C1orf216: variants seen among roughly 807,000 people sequenced by gnomAD.
C1orf216 encodes UPF0500 protein C1orf216.
Under a neutral mutation model 16.4 loss-of-function variants are expected in C1orf216, and 18 were observed. That is an observed-to-expected ratio of 1.10 (90% CI 0.76 to 1.63). The LOEUF is 1.63. Ranked by LOEUF, C1orf216 falls within the 40% of genes most tolerant of loss-of-function variation. The pLI is 0.00. For synonymous variants in C1orf216, 115 were observed against 116.9 expected (o/e 0.98, Z 0.11); for missense variants, 271 against 297.6 (o/e 0.91, Z 0.66).
chr1:35,716,257 A>C lies in C1orf216; in HGVS notation c.65T>G (p.Leu22Ter). ...GTCTGGTTGGAGCTCGGGCTGACATAATCCAGGAGGTGGGTCCCCCAGGAA... is the reference window on the plus strand; with the variant it reads ...GTCTGGTTGGAGCTCGGGCTGACATCATCCAGGAGGTGGGTCCCCCAGGAA... ...GQFLGDPPPG[L>*]CQPELQPDSN... The change falls in exon 2 of 2, where the codon TTA (leucine) becomes TGA (stop). Residue 22 changes from leucine (L) to a stop codon, truncating the protein, a stop_gained. Coordinates refer to ENST00000270815, the MANE Select transcript of C1orf216 (RefSeq NM_152374.2). LOFTEE classifies it high-confidence loss of function. 6.2e-7 allele frequency: 1 copy of C among 1,614,230 alleles called. No homozygotes were observed.
In C1orf216 at chr1:35,715,997, C is replaced by T. The variant is rs1340509667; in HGVS notation, c.325G>A (p.Glu109Lys). 1 of 1,614,120 alleles carries T rather than the reference C, an allele frequency of 6.2e-7. No individual in the cohort carries two copies. The highest frequency in any genetic ancestry group is 8.5e-7 in the Non-Finnish European group (1 of 1,180,036). ...GAACTGCTGGCATAGCCGTTGTCCT[C>T]CAGAGGGGAGCAGACTGTGCCAGCA... ...GGAGTVCSPL[E>K]DNGYASSSLS... The change falls in exon 2 of 2, where the codon GAG becomes AAG. Residue 109 changes from glutamate to lysine, a missense_variant. By Grantham distance (56) the Glu-to-Lys change is moderately conservative. This residue lies in a region of C1orf216 where 220 missense variants were observed against 227.8 expected (regional missense o/e 0.97). Transcript: ENST00000270815. This position sits in a 1 kb window ranked among gnomAD's most constrained non-coding sequence, Gnocchi z 4.3.
chr1:35,715,866 C>T lies in C1orf216; in HGVS notation c.456G>A (p.Gln152=), dbSNP rs765901777. ...PLLPSVAQAV[Q]HLQVQERYKE... is the part of the protein sequence containing the mutation. Reference sequence around the variant, plus strand: ...TGTAGCGCTCCTGGACTTGTAAGTGCTGCACAGCCTGGGCCACTGAGGGCA... The same window carrying T: ...TGTAGCGCTCCTGGACTTGTAAGTGTTGCACAGCCTGGGCCACTGAGGGCA... The change falls in exon 2 of 2, where the codon CAG becomes CAA. Residue 152 remains glutamine, a synonymous_variant. Transcript: ENST00000270815. This position sits in a 1 kb window ranked among gnomAD's most constrained non-coding sequence, Gnocchi z 4.3. 1 of 1,614,258 alleles carries T rather than the reference C, an allele frequency of 6.2e-7. No individual in the cohort carries two copies. Among genetic ancestry groups the T allele is most frequent in the Non-Finnish European group, 8.5e-7 (1 of 1,180,052 alleles).
chr1:35,715,795 C>A lies in C1orf216; in HGVS notation c.527G>T (p.Arg176Leu), dbSNP rs749886240. ...EKHHVHLVMY[R>L]RLALLQWIRG... is the part of the protein sequence containing the mutation. ...GATCCACTGGAGCAGTGCCAGGCGACGGTACATCACCAAGTGCACGTGGTG... is the reference window on the plus strand; with the variant it reads ...GATCCACTGGAGCAGTGCCAGGCGAAGGTACATCACCAAGTGCACGTGGTG... Residue 176 changes from arginine (R) to leucine (L), a missense_variant, in exon 2 of 2, where the codon CGT (arginine) becomes CTT (leucine). Physicochemically the swap from Arg to Leu is moderately radical, Grantham distance 102 (BLOSUM62 -2). Transcript: ENST00000270815. This position sits in a 1 kb window ranked among gnomAD's most constrained non-coding sequence, Gnocchi z 4.3. 14 of 1,614,048 alleles carry A rather than the reference C, an allele frequency of 8.7e-6. No homozygotes were observed. Among genetic ancestry groups the A allele is most frequent in the Non-Finnish European group, 1.1e-5 (13 of 1,180,044 alleles).
chr1:35,715,776 C>G lies in C1orf216; in HGVS notation c.546G>C (p.Gln182His). 6.2e-7 allele frequency: 1 copy of G among 1,614,218 alleles called. No individual in the cohort carries two copies. The highest frequency in any genetic ancestry group is 1.1e-5 in the South Asian group (1 of 91,086). ...LVMYRRLALL[Q>H]WIRGLQHQLI... is the part of the protein sequence containing the mutation. ...ACTGATGCTGCAGGCCCCGGATCCA[C>G]TGGAGCAGTGCCAGGCGACGGTACA... is the stretch of plus-strand genomic sequence containing the variant. The change falls in exon 2 of 2, where the codon CAG (glutamine) becomes CAC (histidine). Residue 182 changes from glutamine to histidine, a missense_variant. Gln to His is a conservative substitution (Grantham distance 24). This residue lies in a region of C1orf216 where 220 missense variants were observed against 227.8 expected (regional missense o/e 0.97). Coordinates refer to ENST00000270815, the MANE Select transcript of C1orf216 (RefSeq NM_152374.2). The surrounding 1 kb of genome is among the most constrained non-coding windows in gnomAD (Gnocchi z 4.3).
intron 1 of C1orf216, among the ~76,000 whole-genome samples, chr1:35,718,325 G>A (rs916304180): frequency 6.6e-6 from 1 of 152,156 alleles, no homozygotes; most frequent in Non-Finnish European, 1.5e-5. Flanking sequence ...AAGTCCTGGG[G>A]AGAAGGGTGT....
intron 1 of C1orf216, among the ~76,000 whole-genome samples, chr1:35,718,385 G>A (rs1356618833): frequency 1.3e-5 from 2 of 152,138 alleles, no homozygotes; most frequent in Admixed American, 1.3e-4. Context: ...GTGGGAAGGT[G>A]CCTAGAGATC....
In C1orf216 at chr1:35,714,144, G is replaced by A. The variant is rs986588302; in HGVS notation, c.*1488C>T. 1 of 152,134 alleles carries A rather than the reference G, an allele frequency of 6.6e-6. No individual in the cohort carries two copies. Among genetic ancestry groups the A allele is most frequent in the Non-Finnish European group, 1.5e-5 (1 of 68,064 alleles). The allele number at this position is 152,134 out of a possible 1,614,324, so 9.4% of individuals were successfully genotyped here. ...ACCAGTGTCCCCTCTTCATACCACT[G>A]CTCACCCACCAGGATCTTGCATTCT... On this transcript the variant is annotated 3_prime_UTR_variant, in exon 2 of 2. Transcript: ENST00000270815.
chr1:35,716,364 C>A, intron 1 of C1orf216, 38 bp from the exon 2 acceptor site: 1 of 1,541,160 alleles, frequency 6.5e-7, no homozygotes, highest in Non-Finnish European at 8.8e-7. Context: ...CACAGTAGGA[C>A]AGGGTGGGGT....
In C1orf216 at chr1:35,715,886, A is replaced by G. The variant is rs1392764749; in HGVS notation, c.436T>C (p.Ser146Pro). 5 of 1,614,098 alleles carry G rather than the reference A, an allele frequency of 3.1e-6. No individual in the cohort carries two copies. Among genetic ancestry groups the G allele is most frequent in the African/African-American group, 1.3e-5 (1 of 74,930 alleles). ...AAGTGCTGCACAGCCTGGGCCACTG[A>G]GGGCAGAAGGGGATCGGGAGGGCCA... ...GPGPPDPLLP[S>P]VAQAVQHLQV... The change falls in exon 2 of 2, where the codon TCA becomes CCA. Residue 146 changes from serine (S) to proline (P), a missense_variant. By Grantham distance (74) the Ser-to-Pro change is moderately conservative. Transcript: ENST00000270815. The surrounding 1 kb of genome is among the most constrained non-coding windows in gnomAD (Gnocchi z 4.3).
intron 1 of C1orf216, among the ~76,000 whole-genome samples, chr1:35,717,161 C>T (rs1370025111): frequency 2.0e-5 from 3 of 152,148 alleles, no homozygotes; most frequent in Admixed American, 1.3e-4. Context: ...ACCATTCTTC[C>T]TCTTCCAGGC....
At position 35,715,572 on chromosome 1, in the gene C1orf216, C is replaced by T. The variant is rs1227234915; in HGVS notation, c.*60G>A. On this transcript the variant is annotated 3_prime_UTR_variant, in exon 2 of 2. Coordinates refer to ENST00000270815, the MANE Select transcript of C1orf216 (RefSeq NM_152374.2). This position sits in a 1 kb window ranked among gnomAD's most constrained non-coding sequence, Gnocchi z 4.3. Reference sequence around the variant, plus strand: ...CCAGCAAATTATGTACTTACTAGTGCGCCTCACACATGCCTGCAAATATAT... The same window carrying T: ...CCAGCAAATTATGTACTTACTAGTGTGCCTCACACATGCCTGCAAATATAT... 1.3e-5 allele frequency: 20 copies of T among 1,514,564 alleles called. No homozygotes were observed. Among genetic ancestry groups the T allele is most frequent in the Middle Eastern group, 1.9e-4 (1 of 5,156 alleles). 93.8% of individuals were successfully genotyped at this position (1,514,564 alleles called of 1,614,324 possible).
chr1:35,715,901 C>A lies in C1orf216; in HGVS notation c.421G>T (p.Asp141Tyr). 1 of 1,614,216 alleles carries A rather than the reference C, an allele frequency of 6.2e-7. No homozygotes were observed. Among genetic ancestry groups the A allele is most frequent in the Non-Finnish European group, 8.5e-7 (1 of 1,180,040 alleles). ...CGTPRGPGPP[D>Y]PLLPSVAQAV... ...TGGGCCACTGAGGGCAGAAGGGGAT[C>A]GGGAGGGCCAGGGCCTCGCGGGGTC... The change falls in exon 2 of 2, where the codon GAT becomes TAT. Residue 141 changes from aspartate (D) to tyrosine (Y), a missense_variant. Physicochemically the swap from Asp to Tyr is radical, Grantham distance 160 (BLOSUM62 -3). Around this residue, in one of 3 missense-constraint regions of C1orf216, gnomAD observed 220 missense variants for 227.8 expected, o/e 0.97. Coordinates refer to ENST00000270815, the MANE Select transcript of C1orf216 (RefSeq NM_152374.2). The surrounding 1 kb of genome is among the most constrained non-coding windows in gnomAD (Gnocchi z 4.3).
rs970216447 is a variant in C1orf216 at position 35,715,327 on chromosome 1, G to A, written c.*305C>T. On this transcript the variant is annotated 3_prime_UTR_variant, in exon 2 of 2. Coordinates refer to ENST00000270815, the MANE Select transcript of C1orf216 (RefSeq NM_152374.2). The surrounding 1 kb of genome is among the most constrained non-coding windows in gnomAD (Gnocchi z 4.3). ...CATATACACACACTGCTGGGTACCT[G>A]TCTACACATGCACATACCGAGTTCC... is the stretch of plus-strand genomic sequence containing the variant. 4.7e-6 allele frequency: 2 copies of A among 429,328 alleles called. No homozygotes were observed. The highest frequency in any genetic ancestry group is 6.5e-4 in the Middle Eastern group (1 of 1,550). 26.6% of individuals were successfully genotyped at this position (429,328 alleles called of 1,614,324 possible).
At position 35,716,336 on chromosome 1, in the gene C1orf216, G is replaced by A. The variant is rs1163236279; in HGVS notation, c.-5-10C>T. ...ATGGCGAACATCTAGCCTGTAAAGG[G>A]AAAGCAGGAGACCGAGTCACAGTAG... On this transcript the variant is annotated splice_polypyrimidine_tract_variant and intron_variant, in intron 1 of 1. Coordinates refer to ENST00000270815, the MANE Select transcript of C1orf216 (RefSeq NM_152374.2). 1 of 1,598,386 alleles carries A rather than the reference G, an allele frequency of 6.3e-7. No homozygotes were observed. Among genetic ancestry groups the A allele is most frequent in the East Asian group, 2.2e-5 (1 of 44,710 alleles).
At position 35,715,955 on chromosome 1, in the gene C1orf216, G is replaced by A. The variant is rs770275208; in HGVS notation, c.367C>T (p.Arg123Cys). The A allele has an allele frequency of 1.4e-5, 22 of 1,613,998 alleles. No individual in the cohort carries two copies. Among genetic ancestry groups the A allele is most frequent in the Middle Eastern group, 1.6e-4 (1 of 6,084 alleles). Residue 123 changes from arginine (R) to cysteine (C), a missense_variant, in exon 2 of 2, where the codon CGT (arginine) becomes TGT (cysteine). By Grantham distance (180) the Arg-to-Cys change is radical (BLOSUM62 -3). Transcript: ENST00000270815. The surrounding 1 kb of genome is among the most constrained non-coding windows in gnomAD (Gnocchi z 4.3). Reference sequence around the variant, plus strand: ...CAGGCAGGCTCAGGACTGCTGCTACGGCTGTCAATGCTCAGGGAACTGCTG... The same window carrying A: ...CAGGCAGGCTCAGGACTGCTGCTACAGCTGTCAATGCTCAGGGAACTGCTG... The part of the protein sequence containing the change: ...YASSSLSIDS[R>C]SSSPEPACGT...
Position 35,715,392 on chromosome 1 carries a change from T to A in C1orf216, c.*240A>T. 1.8e-6 allele frequency: 1 copy of A among 564,598 alleles called. No homozygotes were observed. Among genetic ancestry groups the A allele is most frequent in the East Asian group, 3.0e-5 (1 of 33,828 alleles). 35.0% of individuals were successfully genotyped at this position (564,598 alleles called of 1,614,324 possible). A position where few individuals can be genotyped will look rare whatever the true frequency, so the allele number is the denominator to read the frequency against. On this transcript the variant is annotated 3_prime_UTR_variant, in exon 2 of 2. Coordinates refer to ENST00000270815, the MANE Select transcript of C1orf216 (RefSeq NM_152374.2). This position sits in a 1 kb window ranked among gnomAD's most constrained non-coding sequence, Gnocchi z 4.3. ...TACACACACACACATATGTTCACTC[T>A]TACATGCTCACATATAGGTCTGCAG...
rs372075231 is a variant in C1orf216, at chr1:35,716,247, G to A, written c.75C>T (p.Pro25=). 2.2e-5 allele frequency: 36 copies of A among 1,614,118 alleles called. No homozygotes were observed. Among genetic ancestry groups the A allele is most frequent in the Non-Finnish European group, 2.8e-5 (33 of 1,180,054 alleles). Residue 25 remains proline (P), a synonymous_variant, in exon 2 of 2, where the codon CCC becomes CCT. Coordinates refer to ENST00000270815, the MANE Select transcript of C1orf216 (RefSeq NM_152374.2). ...LGDPPPGLCQ[P]ELQPDSNSNF... is the part of the protein sequence containing the mutation. ...TGGAGTTGCTGTCTGGTTGGAGCTC[G>A]GGCTGACATAATCCAGGAGGTGGGT... is the stretch of plus-strand genomic sequence containing the variant.
rs1323158016 is a variant in C1orf216, at chr1:35,716,078, G to A, written c.244C>T (p.Arg82Cys). The change falls in exon 2 of 2, where the codon CGC becomes TGC. Residue 82 changes from arginine to cysteine, a missense_variant. Around this residue, in one of 3 missense-constraint regions of C1orf216, gnomAD observed 220 missense variants for 227.8 expected, o/e 0.97. Coordinates refer to ENST00000270815, the MANE Select transcript of C1orf216 (RefSeq NM_152374.2). Reference protein sequence around the residue: ...QAPGSPEEGVRSPPEGAEIPG... With the variant: ...QAPGSPEEGVCSPPEGAEIPG... Reference sequence around the variant, plus strand: ...ATCTCTGCCCCCTCTGGGGGGCTGCGCACCCCTTCCTCAGGGGATCCAGGG... The same window carrying A: ...ATCTCTGCCCCCTCTGGGGGGCTGCACACCCCTTCCTCAGGGGATCCAGGG... 19 of 1,613,964 alleles carry A rather than the reference G, an allele frequency of 1.2e-5. No homozygotes were observed. The highest frequency in any genetic ancestry group is 2.7e-5 in the African/African-American group (2 of 74,942).
At position 35,716,052 on chromosome 1, in the gene C1orf216, A is replaced by T; in HGVS notation, c.270T>A (p.Ile90=). The change falls in exon 2 of 2, where the codon ATT becomes ATA. Residue 90 remains isoleucine (I), a synonymous_variant. Coordinates refer to ENST00000270815, the MANE Select transcript of C1orf216 (RefSeq NM_152374.2). Reference sequence around the variant, plus strand: ...CCATCTTCTCAGGCTCAGCCCCGGGAATCTCTGCCCCCTCTGGGGGGCTGC... The same window carrying T: ...CCATCTTCTCAGGCTCAGCCCCGGGTATCTCTGCCCCCTCTGGGGGGCTGC... The part of the protein sequence containing the change: ...GVRSPPEGAE[I]PGAEPEKMGG... 1 of 1,614,036 alleles carries T rather than the reference A, an allele frequency of 6.2e-7. No individual in the cohort carries two copies. The highest frequency in any genetic ancestry group is 1.3e-5 in the African/African-American group (1 of 75,028).
Sources: allele counts gnomAD v4.1 joint callset (sites outside exome capture counted in the v4.1 genomes callset), GRCh38; gene constraint gnomAD v4.1.1; regional missense constraint gnomAD v4.1.1; non-coding constraint Gnocchi (gnomAD v3.1); transcripts MANE v1.5; gene names NCBI Gene and HGNC (gene_info 2026-07-23, HGNC 2026-07-21).